FBXO40: variants seen among roughly 807,000 people sequenced by gnomAD.
FBXO40 encodes the protein F-box protein 40, also known as F-box only protein 40.
A neutral mutation model predicts 49.9 loss-of-function variants in FBXO40; 50 were observed. That is an observed-to-expected ratio of 1.00 (90% CI 0.80 to 1.27). FBXO40 has a LOEUF of 1.27. Among genes scored for constraint, FBXO40 ranks in the 50% most tolerant of loss-of-function variants. The pLI, the probability that FBXO40 is intolerant of heterozygous loss-of-function variation, is 0.00. For synonymous variants in FBXO40, 340 were observed against 320.2 expected, an observed-to-expected ratio of 1.06 and a Z score of -0.66; for missense variants, 895 against 870.1, an observed-to-expected ratio of 1.03 and a Z score of -0.36.
chr3:121,610,718 C>T (rs1203268262), intron 1 of FBXO40, among the ~76,000 whole-genome samples: 1 of 152,238 alleles, frequency 6.6e-6, no homozygotes, highest in African/African-American at 2.4e-5. Flanking sequence ...TGGCTCACTG[C>T]AACCTCCGCC....
At chr3:121,616,230 C>G (rs1287889535) in intron 1 of FBXO40, among the ~76,000 whole-genome samples, 1 of 152,102 alleles carries the variant, frequency 6.6e-6, no homozygotes, top group Non-Finnish European at 1.5e-5. Context: ...AGCACTCTGC[C>G]GTGATTCCTC....
At chr3:121,600,763 C>T (rs913801973) in intron 1 of FBXO40, among the ~76,000 whole-genome samples, 1 of 152,204 alleles carries the variant, frequency 6.6e-6, no homozygotes, top group East Asian at 1.9e-4. Context: ...GTACCCACCT[C>T]ACATGGTTGT....
intron 1 of FBXO40, among the ~76,000 whole-genome samples, chr3:121,596,827 C>G (rs550873597): frequency 1.3e-5 from 2 of 152,022 alleles, no homozygotes; most frequent in Admixed American, 1.3e-4. Context: ...CTACTTTCTT[C>G]CTAAATTTGT....
rs137900064 is a variant in FBXO40, at chr3:121,597,658, C to CTTTTTTTTTTTTTTTT, written c.-31+4156_-31+4157insTTTTTTTTTTTTTTTT. Among the ~76,000 whole-genome samples the CTTTTTTTTTTTTTTTT allele has an allele frequency of 1.6e-5, 2 of 127,820 alleles. 1 individual carries two copies. The allele number at this position is 127,820 out of a possible 152,430, so 83.9% of individuals were successfully genotyped here. On this transcript the variant is annotated intron_variant, in intron 1 of 3. Transcript: ENST00000338040. Reference sequence around the variant, plus strand: ...CAACCCTATTGGTTATTATAGGCCCCCTTTTTTTTTTTTTTTTTTTTGAGA... The same window carrying CTTTTTTTTTTTTTTTT: ...CAACCCTATTGGTTATTATAGGCCCCTTTTTTTTTTTTTTTTCTTTTTTTTTTTTTTTTTTTTGAGA...
rs1410196812 is a variant in FBXO40 at position 121,629,517 on chromosome 3, A to T, written c.*2607A>T. 1 of 152,222 alleles carries T rather than the reference A, an allele frequency of 6.6e-6. No individual in the cohort carries two copies. The highest frequency in any genetic ancestry group is 1.5e-5 in the Non-Finnish European group (1 of 68,036). The allele number at this position is 152,222 out of a possible 1,614,324, so 9.4% of individuals were successfully genotyped here. ...AAACTATAGACCAATGGAGATGAAA[A>T]TCAGGGGCTATCGACAGATGGAGGA... On this transcript the variant is annotated 3_prime_UTR_variant, in exon 4 of 4. Transcript: ENST00000338040.
intron 3 of FBXO40, among the ~76,000 whole-genome samples, chr3:121,625,725 C>T (rs1180947127): frequency 6.6e-6 from 1 of 152,120 alleles, no homozygotes; most frequent in Non-Finnish European, 1.5e-5. Context: ...GAGCTAATTT[C>T]CTTGCAGAAA....
intron 1 of FBXO40, among the ~76,000 whole-genome samples, chr3:121,595,290 G>C (rs1455297857): frequency 6.6e-6 from 1 of 152,098 alleles, no homozygotes; most frequent in Non-Finnish European, 1.5e-5. Context: ...AATTTTTCCA[G>C]GGCCTCCACA....
Position 121,622,969 on chromosome 3 carries a change from G to A in FBXO40, c.1540G>A (p.Ala514Thr), listed in dbSNP as rs139593536. ...NGWFQHRCPL[A>T]YLGCTFVQNH... is the part of the protein sequence containing the mutation. ...CTGGTTCCAGCATCGATGCCCCCTC[G>A]CCTACTTGGGATGTACATTTGTTCA... The change falls in exon 3 of 4, where the codon GCC becomes ACC. Residue 514 changes from alanine (A) to threonine (T), a missense_variant. Coordinates refer to ENST00000338040, the MANE Select transcript of FBXO40 (RefSeq NM_016298.4). 3.0e-4 allele frequency: 478 copies of A among 1,614,140 alleles called. No individual in the cohort carries two copies. Among genetic ancestry groups the A allele is most frequent in the Non-Finnish European group, 3.7e-4 (440 of 1,180,030 alleles).
rs777449089 is a variant in FBXO40 at position 121,621,560 on chromosome 3, C to T, written c.131C>T (p.Ala44Val). ...ATAAGCTGCCACCTGCTCTGTGGTG[C>T]CACCTTCCACATGTGCAAAGAGGCA... is the stretch of plus-strand genomic sequence containing the variant. ...LVISCHLLCG[A>V]TFHMCKEAEH... The change falls in exon 3 of 4, where the codon GCC (alanine) becomes GTC (valine). Residue 44 changes from alanine to valine, a missense_variant. Coordinates refer to ENST00000338040, the MANE Select transcript of FBXO40 (RefSeq NM_016298.4). 1.8e-5 allele frequency: 29 copies of T among 1,614,104 alleles called. No individual in the cohort carries two copies. The highest frequency in any genetic ancestry group is 2.4e-5 in the Non-Finnish European group (28 of 1,180,062).
chr3:121,627,953 TG>T lies in FBXO40; in HGVS notation c.*1044del. 2.5e-6 allele frequency: 1 copy of T among 398,600 alleles called. No individual in the cohort carries two copies. Among genetic ancestry groups the T allele is most frequent in the Non-Finnish European group, 4.4e-6 (1 of 226,082 alleles). 24.7% of individuals were successfully genotyped at this position (398,600 alleles called of 1,614,324 possible). On this transcript the variant is annotated 3_prime_UTR_variant, in exon 4 of 4. Coordinates refer to ENST00000338040, the MANE Select transcript of FBXO40 (RefSeq NM_016298.4). ...CATTGGGGTCTTGGAGAGGAAGACA[TG>T]TGAACATAACGGCTCCCTGAAATTG...
At position 121,627,353 on chromosome 3, in the gene FBXO40, G is replaced by T. The variant is rs1352651705; in HGVS notation, c.*443G>T. The T allele has an allele frequency of 5.5e-6, 1 of 182,306 alleles. No individual in the cohort carries two copies. Among genetic ancestry groups the T allele is most frequent in the East Asian group, 1.5e-4 (1 of 6,700 alleles). The allele number at this position is 182,306 out of a possible 1,614,324, so 11.3% of individuals were successfully genotyped here. On this transcript the variant is annotated 3_prime_UTR_variant, in exon 4 of 4. Transcript: ENST00000338040. ...GAAATGCAGGATGGGACTCCCCAGG[G>T]AACGCAGGGTGAAGGGAACAAAGCT... is the stretch of plus-strand genomic sequence containing the variant.
chr3:121,612,507 A>G (rs2108847963), intron 1 of FBXO40, among the ~76,000 whole-genome samples: 1 of 152,292 alleles, frequency 6.6e-6, no homozygotes, highest in Admixed American at 6.5e-5. Context: ...AGCTGGGGGA[A>G]GCCTGGGATT....
rs1192677658 is a variant in FBXO40 at position 121,627,697 on chromosome 3, T to C, written c.*787T>C. ...TAACATTTTAATAATGACTTAAGGGTCAAGATTTTTTTCTTCTGAAAATTA... is the reference window on the plus strand; with the variant it reads ...TAACATTTTAATAATGACTTAAGGGCCAAGATTTTTTTCTTCTGAAAATTA... On this transcript the variant is annotated 3_prime_UTR_variant, in exon 4 of 4. Coordinates refer to ENST00000338040, the MANE Select transcript of FBXO40 (RefSeq NM_016298.4). 1 of 394,582 alleles carries C rather than the reference T, an allele frequency of 2.5e-6. No homozygotes were observed. The highest frequency in any genetic ancestry group is 4.5e-6 in the Non-Finnish European group (1 of 224,592). The allele number at this position is 394,582 out of a possible 1,614,324, so 24.4% of individuals were successfully genotyped here. A position where few individuals can be genotyped will look rare whatever the true frequency, so the allele number is the denominator to read the frequency against.
In FBXO40 at chr3:121,626,762, C is replaced by G. The variant is rs931468551; in HGVS notation, c.1982C>G (p.Ser661Cys). The G allele has an allele frequency of 5.0e-6, 8 of 1,614,048 alleles. No individual in the cohort carries two copies. The highest frequency in any genetic ancestry group is 6.8e-6 in the Non-Finnish European group (8 of 1,180,042). ...GAGTTTAATGAAGTCACCTCCATGTCTGAGCACCTGAAGTCCTGTCCTTTC... is the reference window on the plus strand; with the variant it reads ...GAGTTTAATGAAGTCACCTCCATGTGTGAGCACCTGAAGTCCTGTCCTTTC... ...SWEFNEVTSMSEHLKSCPFNI... is the reference protein window; with the variant it reads ...SWEFNEVTSMCEHLKSCPFNI... The change falls in exon 4 of 4, where the codon TCT becomes TGT. Residue 661 changes from serine to cysteine, a missense_variant. By Grantham distance (112) the Ser-to-Cys change is moderately radical (BLOSUM62 -1). Coordinates refer to ENST00000338040, the MANE Select transcript of FBXO40 (RefSeq NM_016298.4).
intron 1 of FBXO40, among the ~76,000 whole-genome samples, chr3:121,616,985 A>G (rs2049000859): frequency 6.6e-6 from 1 of 152,210 alleles, no homozygotes; most frequent in Non-Finnish European, 1.5e-5. Context: ...TAGAGAGTGA[A>G]TGATAGTTAC....
chr3:121,608,502 C>T (rs1177918508), intron 1 of FBXO40, among the ~76,000 whole-genome samples: 1 of 152,150 alleles, frequency 6.6e-6, no homozygotes, highest in Non-Finnish European at 1.5e-5. Flanking sequence ...AACCTGTATG[C>T]AGGAATGGTT....
chr3:121,606,880 A>ATTG, intron 1 of FBXO40, among the ~76,000 whole-genome samples: 1 of 152,164 alleles, frequency 6.6e-6, no homozygotes, highest in African/African-American at 2.4e-5. Context: ...TGCCAAGGAT[A>ATTG]GGTATTGGGT....
chr3:121,618,695 T>C (rs1248837871), intron 1 of FBXO40, among the ~76,000 whole-genome samples: 2 of 151,800 alleles, frequency 1.3e-5, no homozygotes, highest in Admixed American at 6.6e-5. Context: ...CGCGCCTGGC[T>C]GGCAACTTAT....
In FBXO40 at chr3:121,621,811, GC is replaced by G. The variant is rs752659519; in HGVS notation, c.385del (p.Leu129TrpfsTer13). Reference protein sequence around the residue: ...ETPSEECLDTALALQDQKVLF... With the variant: ...ETPSEECLDTXLALQDQKVLF... ...CCCCAGTGAGGAGTGTTTGGACACA[GC>G]CCTGGCCCTGCAGGATCAGAAGGTC... On this transcript the variant is annotated frameshift_variant, in exon 3 of 4. Coordinates refer to ENST00000338040, the MANE Select transcript of FBXO40 (RefSeq NM_016298.4). LOFTEE classifies it high-confidence loss of function. The G allele has an allele frequency of 1.2e-6, 2 of 1,614,230 alleles. No individual in the cohort carries two copies. Among genetic ancestry groups the G allele is most frequent in the African/African-American group, 2.7e-5 (2 of 75,064 alleles).
Sources: allele counts gnomAD v4.1 joint callset (sites outside exome capture counted in the v4.1 genomes callset), GRCh38; gene constraint gnomAD v4.1.1; transcripts MANE v1.5; gene names NCBI Gene and HGNC (gene_info 2026-07-23, HGNC 2026-07-21).